The following LRRC4C variants were observed in gnomAD, a reference collection of about 807,000 sequenced individuals.
LRRC4C encodes leucine rich repeat containing 4C.
LRRC4C carries 5 observed loss-of-function variants against 33.6 expected under a neutral mutation model. The ratio of observed to expected loss-of-function variants is 0.15; its 90% CI spans 0.08 to 0.31. LRRC4C has a LOEUF of 0.31. Ranked by LOEUF, LRRC4C falls within the 10% of genes least tolerant of loss-of-function variation. The pLI, the probability that LRRC4C is intolerant of heterozygous loss-of-function variation, is 1.00. For missense variants in LRRC4C, 560 were observed against 796.7 expected (o/e 0.70, Z 3.58); for synonymous variants, 329 against 302.0 (o/e 1.09, Z -0.93).
intron 3 of LRRC4C, among the ~76,000 whole-genome samples, chr11:40,354,291 G>A (rs1947554613): frequency 6.6e-6 from 1 of 152,156 alleles, no homozygotes; most frequent in Non-Finnish European, 1.5e-5. Context: ...TACCACCACT[G>A]AGACTGCACT....
In LRRC4C at chr11:40,749,458, C is replaced by CA. The variant is rs68018605; in HGVS notation, c.-406-101181dup. Among the ~76,000 whole-genome samples the CA allele has an allele frequency of 6.7e-3, 840 of 125,294 alleles. 4 individuals are homozygous for CA. The highest frequency in any genetic ancestry group is 0.017 in the African/African-American group (587 of 33,694). The allele number at this position is 125,294 out of a possible 152,430, so 82.2% of individuals were successfully genotyped here. On this transcript the variant is annotated intron_variant, in intron 2 of 6. Coordinates refer to ENST00000528697, the MANE Select transcript of LRRC4C (RefSeq NM_001258419.2). ...ACAATATACCAAAACCTATGAGATA[C>CA]AAAAAAAAAAAAAAACCCTATAATA...
At chr11:41,428,141 G>A (rs993551489) in intron 1 of LRRC4C, among the ~76,000 whole-genome samples, 13 of 152,158 alleles carry the variant, frequency 8.5e-5, no homozygotes, top group Non-Finnish European at 1.5e-4. Flanking sequence ...GTGAGAAAGA[G>A]AGCAGAGGAG....
intron 1 of LRRC4C, among the ~76,000 whole-genome samples, chr11:41,010,665 G>A (rs1335613814): frequency 6.6e-6 from 1 of 152,176 alleles, no homozygotes; most frequent in African/African-American, 2.4e-5. Flanking sequence ...TCTAGGCTAA[G>A]CAAGTGAAAT....
intron 1 of LRRC4C, among the ~76,000 whole-genome samples, chr11:41,233,378 T>A (rs1305918548): frequency 6.6e-6 from 1 of 151,988 alleles, no homozygotes; most frequent in Non-Finnish European, 1.5e-5. Context: ...GAGAAAGTCT[T>A]GACATTCAAC....
chr11:40,268,896 C>G (rs992131307), intron 4 of LRRC4C, among the ~76,000 whole-genome samples: 1 of 152,120 alleles, frequency 6.6e-6, no homozygotes, highest in Non-Finnish European at 1.5e-5. Context: ...AACCGCCAGT[C>G]TAGAGACTCT....
At chr11:41,221,253 T>A (rs1453290228) in intron 1 of LRRC4C, among the ~76,000 whole-genome samples, 1 of 150,286 alleles carries the variant, frequency 6.7e-6, no homozygotes, top group Non-Finnish European at 1.5e-5. Context: ...CAGACACTTT[T>A]CAAAAGAAGA....
chr11:40,556,810 C>T (rs1296142196), intron 3 of LRRC4C, among the ~76,000 whole-genome samples: 1 of 152,102 alleles, frequency 6.6e-6, no homozygotes, highest in Non-Finnish European at 1.5e-5. Context: ...ATCAAAAGTT[C>T]TATAATACTA....
At chr11:41,023,034 T>C (rs1271881149) in intron 1 of LRRC4C, among the ~76,000 whole-genome samples, 2 of 151,864 alleles carry the variant, frequency 1.3e-5, no homozygotes, top group Non-Finnish European at 2.9e-5. Context: ...GTATCTTAAC[T>C]CTACATTCTA....
In LRRC4C at chr11:41,445,764, C is replaced by T. The variant is rs947949466; in HGVS notation, c.-496+13667G>A. Among the ~76,000 whole-genome samples, 7 of 151,816 alleles carry T rather than the reference C, an allele frequency of 4.6e-5. No individual in the cohort carries two copies. In the East Asian group the frequency reaches 1.2e-3, roughly 25 times the overall value. ...ATTAAATATAAATGTGTGAATAAAACATACAAATTATTTTATAACAAAAAA... is the reference window on the plus strand; with the variant it reads ...ATTAAATATAAATGTGTGAATAAAATATACAAATTATTTTATAACAAAAAA... On this transcript the variant is annotated intron_variant, in intron 1 of 6. Coordinates refer to ENST00000528697, the MANE Select transcript of LRRC4C (RefSeq NM_001258419.2).
At chr11:40,467,701 A>G (rs766432877) in intron 3 of LRRC4C, among the ~76,000 whole-genome samples, 1 of 152,146 alleles carries the variant, frequency 6.6e-6, no homozygotes, top group Non-Finnish European at 1.5e-5. Flanking sequence ...ACAGCAAGAC[A>G]TTTGCTATTT....
intron 1 of LRRC4C, among the ~76,000 whole-genome samples, chr11:41,364,555 C>T (rs9666756): frequency 0.02 from 3,079 of 152,212 alleles, 100 homozygotes; most frequent in African/African-American, 0.07. Context: ...GGATTACAGG[C>T]ATGAGCCACT....
At chr11:40,301,452 G>A (rs891675344) in intron 4 of LRRC4C, among the ~76,000 whole-genome samples, 2 of 152,156 alleles carry the variant, frequency 1.3e-5, no homozygotes, top group Admixed American at 1.3e-4. Context: ...ATTAGGAGAT[G>A]GTGTGAATCC....
At chr11:40,912,609 C>A (rs1470555136) in intron 2 of LRRC4C, among the ~76,000 whole-genome samples, 1 of 151,620 alleles carries the variant, frequency 6.6e-6, no homozygotes, top group Non-Finnish European at 1.5e-5. Flanking sequence ...ATTGTAAAGA[C>A]CATCAAGGCT....
chr11:40,193,974 T>C (rs11035729), intron 5 of LRRC4C, among the ~76,000 whole-genome samples: 68,509 of 151,824 alleles, frequency 0.45, 15,657 homozygotes, highest in East Asian at 0.6. Context: ...ACCAAACCTA[T>C]GTTTGATTGG....
chr11:40,709,716 T>G (rs1000551783), intron 2 of LRRC4C, among the ~76,000 whole-genome samples: 10 of 152,134 alleles, frequency 6.6e-5, no homozygotes, highest in Non-Finnish European at 1.3e-4. Flanking sequence ...CTGTATTTCC[T>G]GAATTTGAAT....
intron 2 of LRRC4C, among the ~76,000 whole-genome samples, chr11:40,818,972 A>G (rs1951815193): frequency 6.6e-6 from 1 of 152,132 alleles, no homozygotes; most frequent in Non-Finnish European, 1.5e-5. Context: ...ACATATGGAT[A>G]ATGCCTATAT....
At chr11:40,369,028 G>T (rs1005792786) in intron 3 of LRRC4C, among the ~76,000 whole-genome samples, 1 of 152,144 alleles carries the variant, frequency 6.6e-6, no homozygotes, top group Non-Finnish European at 1.5e-5. Context: ...CAAGATAATG[G>T]TTGATACATA....
At chr11:40,933,552 C>T (rs755726269) in intron 2 of LRRC4C, 83 bp downstream of exon 2, 7 of 151,860 alleles carry the variant, frequency 4.6e-5, no homozygotes, top group African/African-American at 1.7e-4. Flanking sequence ...CTTGCAGCCT[C>T]GCAGTAAAGA....
At chr11:40,222,392 T>C (rs1471102599) in intron 5 of LRRC4C, among the ~76,000 whole-genome samples, 1 of 152,236 alleles carries the variant, frequency 6.6e-6, no homozygotes, top group African/African-American at 2.4e-5. Flanking sequence ...TAGCTACTAT[T>C]ACTATGCTAT....
Sources: allele counts gnomAD v4.1 joint callset (sites outside exome capture counted in the v4.1 genomes callset), GRCh38; gene constraint gnomAD v4.1.1; transcripts MANE v1.5; gene names NCBI Gene and HGNC (gene_info 2026-07-23, HGNC 2026-07-21).